Variants in PPP2R5E observed in about 807,000 individuals in gnomAD.
PPP2R5E encodes the protein serine/threonine-protein phosphatase 2A 56 kDa regulatory subunit epsilon isoform.
Under a neutral mutation model 65.3 loss-of-function variants are expected in PPP2R5E, and 4 were observed. The ratio of observed to expected loss-of-function variants is 0.06; its 90% CI spans 0.03 to 0.14. PPP2R5E has a LOEUF of 0.14. Ranked by LOEUF, PPP2R5E falls within the 10% of genes least tolerant of loss-of-function variation. The probability of loss-of-function intolerance (pLI) is 1.00; values close to 1 mark genes in which losing one functional copy is unlikely to be tolerated. For missense variants in PPP2R5E, 274 were observed against 556.1 expected (o/e 0.49, Z 5.10); for synonymous variants, 183 against 187.4 (o/e 0.98, Z 0.19).
At chr14:63,438,202 C>G (rs1888035421) in intron 3 of PPP2R5E, among the ~76,000 whole-genome samples, 1 of 152,204 alleles carries the variant, frequency 6.6e-6, no homozygotes, top group Admixed American at 6.5e-5. Context: ...ATTGAGGACA[C>G]TCATTTTCTC....
chr14:63,409,115 C>G (rs551010170), intron 5 of PPP2R5E, among the ~76,000 whole-genome samples: 155 of 152,242 alleles, frequency 1.0e-3, no homozygotes, highest in Middle Eastern at 3.4e-3. Flanking sequence ...TGCCTGTAAT[C>G]CCAGCTACTC....
Position 63,375,916 on chromosome 14 carries a change from G to A in PPP2R5E, c.*93C>T. 3 of 871,434 alleles carry A rather than the reference G, an allele frequency of 3.4e-6. No homozygotes were observed. Among genetic ancestry groups the A allele is most frequent in the South Asian group, 1.6e-5 (1 of 62,530 alleles). 54.0% of individuals were successfully genotyped at this position (871,434 alleles called of 1,614,324 possible). On this transcript the variant is annotated 3_prime_UTR_variant, in exon 14 of 14. Coordinates refer to ENST00000337537, the MANE Select transcript of PPP2R5E (RefSeq NM_006246.5). ...TAATGAAACAAAGGTGAAATCTACTGTAAAGTTGCACAATACAGAAAACTG... is the reference window on the plus strand; with the variant it reads ...TAATGAAACAAAGGTGAAATCTACTATAAAGTTGCACAATACAGAAAACTG...
intron 5 of PPP2R5E, among the ~76,000 whole-genome samples, chr14:63,406,673 AT>A (rs1351681048): frequency 1.3e-5 from 2 of 152,208 alleles, no homozygotes; most frequent in East Asian, 3.8e-4. Flanking sequence ...TAAATGGGCT[AT>A]CCCTGGTTTT....
chr14:63,436,128 A>C (rs1030489572), intron 3 of PPP2R5E, among the ~76,000 whole-genome samples: 1 of 152,316 alleles, frequency 6.6e-6, no homozygotes, highest in East Asian at 1.9e-4. Context: ...GTGGGTCCTA[A>C]GTCCTAGAAG....
chr14:63,519,481 C>T (rs911276507), intron 2 of PPP2R5E, among the ~76,000 whole-genome samples: 3 of 150,310 alleles, frequency 2.0e-5, no homozygotes, highest in Non-Finnish European at 4.4e-5. Flanking sequence ...GCTGCGATTA[C>T]AGGCACACAC....
intron 1 of PPP2R5E, among the ~76,000 whole-genome samples, chr14:63,540,427 T>A (rs1893849398): frequency 2.6e-5 from 2 of 78,140 alleles, no homozygotes; most frequent in Admixed American, 1.6e-4. Context: ...CAAGAGTCCA[T>A]CTCAAAAAAA....
intron 2 of PPP2R5E, among the ~76,000 whole-genome samples, chr14:63,514,641 AG>A (rs1255757349): frequency 6.6e-6 from 1 of 152,212 alleles, no homozygotes; most frequent in Admixed American, 6.5e-5. Context: ...CCTGCCTGAA[AG>A]GAGGGTTTCC....
At chr14:63,422,753 A>C (rs928727191) in intron 3 of PPP2R5E, among the ~76,000 whole-genome samples, 7 of 150,800 alleles carry the variant, frequency 4.6e-5, no homozygotes, top group East Asian at 1.9e-4. Context: ...AAAAAAAAAA[A>C]AAAAAACTGG....
intron 5 of PPP2R5E, among the ~76,000 whole-genome samples, chr14:63,414,688 G>A (rs950869934): frequency 7.2e-5 from 11 of 152,092 alleles, no homozygotes; most frequent in Non-Finnish European, 1.3e-4. Context: ...TTCTAGCAGT[G>A]AAATCTCATC....
intron 2 of PPP2R5E, among the ~76,000 whole-genome samples, chr14:63,522,563 C>A (rs964398331): frequency 6.7e-6 from 1 of 150,272 alleles, no homozygotes; most frequent in African/African-American, 2.5e-5. Context: ...GGCCGCCCAT[C>A]GTCTGAGATG....
intron 5 of PPP2R5E, among the ~76,000 whole-genome samples, chr14:63,405,991 T>C (rs1886058327): frequency 6.6e-6 from 1 of 152,210 alleles, no homozygotes; most frequent in African/African-American, 2.4e-5. Context: ...CAAAAAATGC[T>C]ACAGGTTATG....
chr14:63,376,764 A>C (rs1884005871), intron 13 of PPP2R5E, among the ~76,000 whole-genome samples: 1 of 152,246 alleles, frequency 6.6e-6, no homozygotes, highest in Non-Finnish European at 1.5e-5. Context: ...AGTAGGAAGT[A>C]CATGATGCAG....
rs113279707 is a variant in PPP2R5E at position 63,439,169 on chromosome 14, T to C, written c.354+14520A>G. On this transcript the variant is annotated intron_variant, in intron 3 of 13. Coordinates refer to ENST00000337537, the MANE Select transcript of PPP2R5E (RefSeq NM_006246.5). ...GTTAAGTCTACTGGGGTGCTAGAGA[T>C]GGTACCATGAATAATGATAATAATG... 3.0e-3 allele frequency among the ~76,000 whole-genome samples: 454 copies of C among 152,240 alleles called. 2 individuals carry two copies. The highest frequency in any genetic ancestry group is 9.6e-3 in the African/African-American group (399 of 41,536).
At position 63,384,370 on chromosome 14, in the gene PPP2R5E, G is replaced by C. The variant is rs576228848; in HGVS notation, c.1202+74C>G. ...TCTTCAGCAACAAGGACAGCATCTG[G>C]CACATAATAAGGCTGAAGGGAAAGA... On this transcript the variant is annotated intron_variant, in intron 12 of 13. Coordinates refer to ENST00000337537, the MANE Select transcript of PPP2R5E (RefSeq NM_006246.5). The C allele has an allele frequency of 2.0e-6, 3 of 1,511,978 alleles. No individual in the cohort carries two copies. The Admixed American group carries it at 5.2e-5, about 26-fold the overall frequency. The allele number at this position is 1,511,978 out of a possible 1,614,324, so 93.7% of individuals were successfully genotyped here.
At chr14:63,450,549 C>A (rs1375512858) in intron 3 of PPP2R5E, among the ~76,000 whole-genome samples, 1 of 152,166 alleles carries the variant, frequency 6.6e-6, no homozygotes, top group Non-Finnish European at 1.5e-5. Context: ...ATGCTAAACA[C>A]TCAGTTTAAA....
chr14:63,472,840 G>A (rs1436539402), intron 2 of PPP2R5E, among the ~76,000 whole-genome samples: 6 of 152,230 alleles, frequency 3.9e-5, no homozygotes, highest in Non-Finnish European at 8.8e-5. Flanking sequence ...TTTACAAACT[G>A]CAGGGTAACC....
At chr14:63,474,673 CAAAAAAAA>C (rs1157357885) in intron 2 of PPP2R5E, among the ~76,000 whole-genome samples, 5 of 27,730 alleles carry the variant, frequency 1.8e-4, no homozygotes, top group Admixed American at 7.1e-4. Flanking sequence ...TACCCCATCT[CAAAAAAAA>C]AAAAAAAAAA....
chr14:63,539,760 A>AT (rs1488047037), intron 1 of PPP2R5E, 68 bp from the exon 2 acceptor site: 19 of 1,423,244 alleles, frequency 1.3e-5, no homozygotes, highest in Admixed American at 2.1e-5. Flanking sequence ...AGTTATACAA[A>AT]TTCTAAAATT....
chr14:63,489,306 C>A (rs765189359), intron 2 of PPP2R5E, among the ~76,000 whole-genome samples: 21 of 152,198 alleles, frequency 1.4e-4, no homozygotes, highest in Admixed American at 2.0e-4. Flanking sequence ...CACATACCCT[C>A]ACTCAACACA....
Sources: gnomAD v4.1 joint callset for allele counts (sites outside exome capture counted in the v4.1 genomes callset) on GRCh38, gnomAD v4.1.1 for gene constraint, MANE v1.5 for transcripts, NCBI Gene and HGNC (gene_info 2026-07-23, HGNC 2026-07-21) for gene names.